RPS26: variants seen among roughly 807,000 people sequenced by gnomAD.
RPS26 encodes the protein small ribosomal subunit protein eS26.
A neutral mutation model predicts 14.7 loss-of-function variants in RPS26; 1 was observed. The observed-to-expected ratio is 0.07, with a 90% CI of 0.02 to 0.32. RPS26 has a LOEUF of 0.32. Ranked by LOEUF, RPS26 falls within the 10% of genes least tolerant of loss-of-function variation. RPS26 has a pLI of 1.00. For missense variants in RPS26, 63 were observed against 157.7 expected (o/e 0.40, Z 3.22); for synonymous variants, 59 against 53.1 (o/e 1.11, Z -0.48).
chr12:56,044,408 A>C lies in RPS26; in HGVS notation c.*254A>C. On this transcript the variant is annotated 3_prime_UTR_variant, in exon 4 of 4. Transcript: ENST00000646449. ...GCCCAAGCTGAATTGCAGTGGCGTG[A>C]TCTCAGCTCACTGCAACCTCCGTCT... 2.4e-6 allele frequency: 1 copy of C among 421,586 alleles called. No homozygotes were observed. Among genetic ancestry groups the C allele is most frequent in the South Asian group, 2.7e-5 (1 of 37,166 alleles). The allele number at this position is 421,586 out of a possible 1,614,324, so 26.1% of individuals were successfully genotyped here. A position where few individuals can be genotyped will look rare whatever the true frequency, so the allele number is the denominator to read the frequency against.
chr12:56,042,336 G>C (rs1224202849), intron 1 of RPS26, 89 bp from the exon 2 acceptor site: 3 of 1,539,648 alleles, frequency 1.9e-6, no homozygotes, highest in Non-Finnish European at 2.7e-6. Context: ...GCGCCTTCCT[G>C]GAGGCTGCCG....
At chr12:56,043,968 G>C (rs1157284999) in intron 3 of RPS26, 151 bp from the exon 4 acceptor site, 11 of 794,572 alleles carry the variant, frequency 1.4e-5, no homozygotes, top group Non-Finnish European at 2.3e-5. Context: ...TTAGGATGCA[G>C]AGTAGTGTTC....
At position 56,044,430 on chromosome 12, in the gene RPS26, G is replaced by A. The variant is rs1265312741; in HGVS notation, c.*276G>A. 9 of 363,786 alleles carry A rather than the reference G, an allele frequency of 2.5e-5. No homozygotes were observed. The highest frequency in any genetic ancestry group is 1.2e-4 in the South Asian group (4 of 32,830). 22.5% of individuals were successfully genotyped at this position (363,786 alleles called of 1,614,324 possible). On this transcript the variant is annotated 3_prime_UTR_variant, in exon 4 of 4. Coordinates refer to ENST00000646449, the MANE Select transcript of RPS26 (RefSeq NM_001029.5). Reference sequence around the variant, plus strand: ...GTGATCTCAGCTCACTGCAACCTCCGTCTCCCGGGTTCAAGTGATTCTCCT... The same window carrying A: ...GTGATCTCAGCTCACTGCAACCTCCATCTCCCGGGTTCAAGTGATTCTCCT...
chr12:56,043,274 A>T (rs1045893324), intron 2 of RPS26, 89 bp from the exon 3 acceptor site: 4 of 1,282,168 alleles, frequency 3.1e-6, no homozygotes, highest in Non-Finnish European at 4.5e-6. Flanking sequence ...GTTTTAATTG[A>T]CGTAAACATG....
In RPS26 at chr12:56,042,804, C is replaced by T. The variant is rs1336886661; in HGVS notation, c.181+202C>T. 9 of 642,192 alleles carry T rather than the reference C, an allele frequency of 1.4e-5. No homozygotes were observed. The African/African-American group carries it at 1.6e-4, about 12-fold the overall frequency. The allele number at this position is 642,192 out of a possible 1,614,324, so 39.8% of individuals were successfully genotyped here. A position where few individuals can be genotyped will look rare whatever the true frequency, so the allele number is the denominator to read the frequency against. Reference sequence around the variant, plus strand: ...GAGGGTGACTTTGTGATAGAGTGCACAGCCTTTACTCTGAGGTAAAGGTTT... The same window carrying T: ...GAGGGTGACTTTGTGATAGAGTGCATAGCCTTTACTCTGAGGTAAAGGTTT... On this transcript the variant is annotated intron_variant, in intron 2 of 3. Coordinates refer to ENST00000646449, the MANE Select transcript of RPS26 (RefSeq NM_001029.5).
rs1207611987 is a variant in RPS26, at chr12:56,044,637, C to T, written c.*483C>T. The T allele has an allele frequency of 6.3e-6, 1 of 158,084 alleles. No homozygotes were observed. The highest frequency in any genetic ancestry group is 1.4e-5 in the Non-Finnish European group (1 of 71,724). 9.8% of individuals were successfully genotyped at this position (158,084 alleles called of 1,614,324 possible). ...GGGATTACAGGCTTGAGCCACCTCG[C>T]CTAGCTATTTATGTAAATTAAACTT... On this transcript the variant is annotated 3_prime_UTR_variant, in exon 4 of 4. Transcript: ENST00000646449.
intron 2 of RPS26, chr12:56,042,892 A>G (rs143652836): frequency 1.9e-6 from 1 of 516,940 alleles, no homozygotes; most frequent in South Asian, 2.1e-5. Context: ...TTCTTGTGCT[A>G]TTGATTATTT....
At chr12:56,043,212 C>A in intron 2 of RPS26, 151 bp from the exon 3 acceptor site, 1 of 709,618 alleles carries the variant, frequency 1.4e-6, no homozygotes, top group Admixed American at 2.0e-5. Context: ...TTGGGCTGAA[C>A]AGGTGCTTTG....
chr12:56,044,537 T>C lies in RPS26; in HGVS notation c.*383T>C, dbSNP rs1895938666. On this transcript the variant is annotated 3_prime_UTR_variant, in exon 4 of 4. Coordinates refer to ENST00000646449, the MANE Select transcript of RPS26 (RefSeq NM_001029.5). ...TTTTGTATTTTTGGTAGAGATGGGG[T>C]TTCACTATGTTGTCCAGGCTGGTCT... 1 of 238,118 alleles carries C rather than the reference T, an allele frequency of 4.2e-6. No individual in the cohort carries two copies. Among genetic ancestry groups the C allele is most frequent in the Non-Finnish European group, 8.3e-6 (1 of 121,052 alleles). The allele number at this position is 238,118 out of a possible 1,614,324, so 14.8% of individuals were successfully genotyped here.
Position 56,042,086 on chromosome 12 carries a change from C to A in RPS26, c.-81C>A. On this transcript the variant is annotated 5_prime_UTR_variant, in exon 1 of 4. Coordinates refer to ENST00000646449, the MANE Select transcript of RPS26 (RefSeq NM_001029.5). ...TGAAGCCCGTCTCCTAAGGATTCTCCCGGTGTCCGCGTAGGGATCTCATGC... is the reference window on the plus strand; with the variant it reads ...TGAAGCCCGTCTCCTAAGGATTCTCACGGTGTCCGCGTAGGGATCTCATGC... 6.9e-7 allele frequency: 1 copy of A among 1,443,518 alleles called. No individual in the cohort carries two copies. Among genetic ancestry groups the A allele is most frequent in the Non-Finnish European group, 9.8e-7 (1 of 1,024,256 alleles). 89.4% of individuals were successfully genotyped at this position (1,443,518 alleles called of 1,614,324 possible). A position where few individuals can be genotyped will look rare whatever the true frequency, so the allele number is the denominator to read the frequency against.
chr12:56,042,131 A>G lies in RPS26; in HGVS notation c.-36A>G, dbSNP rs1322992360. On this transcript the variant is annotated 5_prime_UTR_variant, in exon 1 of 4. Coordinates refer to ENST00000646449, the MANE Select transcript of RPS26 (RefSeq NM_001029.5). ...TCATGCTATATAGGAGGGCCCTGCC[A>G]GGCACCGTCTCCTCTCTCCGGTCCG... 8.7e-6 allele frequency: 14 copies of G among 1,613,274 alleles called. No homozygotes were observed. The highest frequency in any genetic ancestry group is 1.1e-5 in the Non-Finnish European group (13 of 1,179,350).
At chr12:56,042,220 T>G (rs1485437286) in intron 1 of RPS26, 51 bp downstream of exon 1, 1 of 1,611,350 alleles carries the variant, frequency 6.2e-7, no homozygotes, top group East Asian at 2.2e-5. Flanking sequence ...GACTCTGGGA[T>G]TGTGGGGAAG....
intron 3 of RPS26, 33 bp from the exon 4 acceptor site, chr12:56,044,086 T>G: frequency 6.2e-7 from 1 of 1,606,400 alleles, no homozygotes; most frequent in Non-Finnish European, 8.5e-7. Context: ...ATCCATGGGT[T>G]TTAATTTACT....
At chr12:56,043,320 G>GT (rs1895916626) in intron 2 of RPS26, 43 bp from the exon 3 acceptor site, 2 of 1,591,348 alleles carry the variant, frequency 1.3e-6, no homozygotes, top group Non-Finnish European at 1.7e-6. Context: ...AAAAAGCAAG[G>GT]TAGGTATATA....
chr12:56,042,117 A>G lies in RPS26; in HGVS notation c.-50A>G, dbSNP rs1222893795. Reference sequence around the variant, plus strand: ...TCCGCGTAGGGATCTCATGCTATATAGGAGGGCCCTGCCAGGCACCGTCTC... The same window carrying G: ...TCCGCGTAGGGATCTCATGCTATATGGGAGGGCCCTGCCAGGCACCGTCTC... On this transcript the variant is annotated 5_prime_UTR_variant, in exon 1 of 4. The change creates a new upstream start codon in the 5' untranslated region. Transcript: ENST00000646449. The G allele has an allele frequency of 1.2e-5, 20 of 1,605,560 alleles. No homozygotes were observed. The highest frequency in any genetic ancestry group is 1.7e-5 in the Non-Finnish European group (20 of 1,172,268).
intron 2 of RPS26, chr12:56,042,826 G>C (rs705707): frequency 0.023 from 13,559 of 598,984 alleles, 196 homozygotes; most frequent in Non-Finnish European, 0.03. Flanking sequence ...TGAGGTAAAG[G>C]TTTGCCTGTT....
At chr12:56,043,877 G>C (rs912571552) in intron 3 of RPS26, among the ~76,000 whole-genome samples, 13 of 151,866 alleles carry the variant, frequency 8.6e-5, no homozygotes, top group African/African-American at 3.1e-4. Flanking sequence ...TGTGCCTCAG[G>C]TTAAGCTGTA....
At chr12:56,042,353 C>T (rs1895898986) in intron 1 of RPS26, 72 bp from the exon 2 acceptor site, 1 of 1,565,636 alleles carries the variant, frequency 6.4e-7, no homozygotes, top group Non-Finnish European at 8.8e-7. Context: ...GCCGGTGCGG[C>T]TTGTGGCCGG....
In RPS26 at chr12:56,044,297, C is replaced by A; in HGVS notation, c.*143C>A. ...GTTAGACCAAGTGTGAAGTGACACACATTATTTTCATGGGGAAGAAAGCTT... is the reference window on the plus strand; with the variant it reads ...GTTAGACCAAGTGTGAAGTGACACAAATTATTTTCATGGGGAAGAAAGCTT... On this transcript the variant is annotated 3_prime_UTR_variant, in exon 4 of 4. Coordinates refer to ENST00000646449, the MANE Select transcript of RPS26 (RefSeq NM_001029.5). 77 of 532,658 alleles carry A rather than the reference C, an allele frequency of 1.4e-4. No homozygotes were observed. Among genetic ancestry groups the A allele is most frequent in the East Asian group, 3.3e-4 (9 of 27,120 alleles). 33.0% of individuals were successfully genotyped at this position (532,658 alleles called of 1,614,324 possible).
Sources: gnomAD v4.1 joint callset for allele counts (sites outside exome capture counted in the v4.1 genomes callset) on GRCh38, gnomAD v4.1.1 for gene constraint, MANE v1.5 for transcripts, NCBI Gene and HGNC (gene_info 2026-07-23, HGNC 2026-07-21) for gene names.